PDE1A: variants seen among roughly 807,000 people sequenced by gnomAD.
PDE1A encodes dual specificity calcium/calmodulin-dependent 3',5'-cyclic nucleotide phosphodiesterase 1A.
Under a neutral mutation model 61.7 loss-of-function variants are expected in PDE1A, and 35 were observed. The observed-to-expected ratio is 0.57, with a 90% CI of 0.43 to 0.75. The LOEUF is 0.75. Among genes scored for constraint, PDE1A ranks in the 30% least tolerant of loss-of-function variants. The pLI, the probability that PDE1A is intolerant of heterozygous loss-of-function variation, is 0.00. For missense variants in PDE1A, 597 were observed against 630.6 expected (o/e 0.95, Z 0.57); for synonymous variants, 232 against 213.2 (o/e 1.09, Z -0.77).
At chr2:182,175,541 T>A (rs1692666790) in intron 13 of PDE1A, among the ~76,000 whole-genome samples, 1 of 132,960 alleles carries the variant, frequency 7.5e-6, no homozygotes, top group Non-Finnish European at 1.6e-5. Context: ...GTTTGTTTTT[T>A]TCTTGTAAAT....
At chr2:182,450,385 C>T (rs918186137) in intron 2 of PDE1A, among the ~76,000 whole-genome samples, 1 of 152,082 alleles carries the variant, frequency 6.6e-6, no homozygotes, top group Admixed American at 6.6e-5. Context: ...GCTATGAAAT[C>T]TTCCATGAAT....
intron 1 of PDE1A, among the ~76,000 whole-genome samples, chr2:182,309,574 A>C (rs988214456): frequency 2.0e-5 from 3 of 152,144 alleles, no homozygotes; most frequent in Non-Finnish European, 2.9e-5. Flanking sequence ...AACTGTACCC[A>C]TGATCTCTAA....
At chr2:182,362,585 G>C (rs1699571179) in intron 1 of PDE1A, among the ~76,000 whole-genome samples, 1 of 151,898 alleles carries the variant, frequency 6.6e-6, no homozygotes, top group South Asian at 2.1e-4. Flanking sequence ...TCTTTAAATT[G>C]TCAATTTACC....
intron 1 of PDE1A, among the ~76,000 whole-genome samples, chr2:182,388,654 A>G (rs1701254482): frequency 6.6e-6 from 1 of 152,154 alleles, no homozygotes; most frequent in African/African-American, 2.4e-5. Context: ...CCTATGGGAT[A>G]TAGCAAAAGC....
At chr2:182,622,815 A>G in the PDE1A span, among the ~76,000 whole-genome samples, 2 of 152,154 alleles carry the variant, frequency 1.3e-5, no homozygotes, top group Non-Finnish European at 2.9e-5. Context: ...AAATGAGAAG[A>G]AAACTGGAAC....
chr2:182,268,232 G>A (rs1470498567), intron 1 of PDE1A, among the ~76,000 whole-genome samples: 1 of 151,904 alleles, frequency 6.6e-6, no homozygotes, highest in Non-Finnish European at 1.5e-5. Context: ...GTGTTTGGTA[G>A]CAAACCAAGT....
intron 2 of PDE1A, among the ~76,000 whole-genome samples, chr2:182,484,141 G>A (rs1223770786): frequency 6.6e-6 from 1 of 151,808 alleles, no homozygotes; most frequent in Non-Finnish European, 1.5e-5. Flanking sequence ...TCAGGCCCAG[G>A]TGTCTTCCCT....
At chr2:182,237,219 G>A (rs763846981) in intron 3 of PDE1A, among the ~76,000 whole-genome samples, 2 of 152,154 alleles carry the variant, frequency 1.3e-5, no homozygotes, top group Non-Finnish European at 2.9e-5. Context: ...AAGGACGGGC[G>A]CAGTGACTCA....
chr2:182,341,679 A>G (rs1698195116), intron 1 of PDE1A, among the ~76,000 whole-genome samples: 1 of 152,212 alleles, frequency 6.6e-6, no homozygotes, highest in South Asian at 2.1e-4. Flanking sequence ...TGATAGGGAG[A>G]AAGCTATTCT....
the PDE1A span, among the ~76,000 whole-genome samples, chr2:182,675,786 C>T: frequency 6.6e-6 from 1 of 151,878 alleles, no homozygotes; most frequent in Non-Finnish European, 1.5e-5. Context: ...TGTTTTTTGC[C>T]CACTTGTTAA....
Position 182,426,567 on chromosome 2 carries a change from G to A in PDE1A, c.53+11C>T. ...CAGCCCTAGAGCCACCTGCGATGTA[G>A]CATTACTTACCTAAAGATGGGTCTT... On this transcript the variant is annotated intron_variant, in intron 1 of 13. Coordinates refer to ENST00000351439, the Ensembl canonical transcript of PDE1A. 6.4e-7 allele frequency: 1 copy of A among 1,572,908 alleles called. No homozygotes were observed. Among genetic ancestry groups the A allele is most frequent in the Non-Finnish European group, 8.7e-7 (1 of 1,143,778 alleles).
At chr2:182,227,948 G>A (rs1379284561) in intron 6 of PDE1A, among the ~76,000 whole-genome samples, 1 of 152,124 alleles carries the variant, frequency 6.6e-6, no homozygotes, top group Admixed American at 6.6e-5. Context: ...AAAGGAACTA[G>A]ATTTACAGTC....
intron 2 of PDE1A, among the ~76,000 whole-genome samples, chr2:182,241,563 T>C (rs1690513206): frequency 1.3e-5 from 2 of 152,236 alleles, no homozygotes; most frequent in African/African-American, 4.8e-5. Context: ...AAAGGTAATA[T>C]GCAGGAGAGG....
chr2:182,608,937 G>A, the PDE1A span, among the ~76,000 whole-genome samples: 1 of 152,306 alleles, frequency 6.6e-6, no homozygotes, highest in African/African-American at 2.4e-5. Flanking sequence ...TCTGTATCTA[G>A]CTCAAGGTTT....
the PDE1A span, among the ~76,000 whole-genome samples, chr2:182,602,992 C>CACACACATACAT: frequency 0.051 from 6,598 of 130,350 alleles, 189 homozygotes; most frequent in African/African-American, 0.092. Flanking sequence ...CACACACACA[C>CACACACATACAT]ACATACATAC....
chr2:182,497,290 G>A (rs10931017), intron 2 of PDE1A, among the ~76,000 whole-genome samples: 129,590 of 152,182 alleles, frequency 0.85, 55,332 homozygotes, highest in East Asian at 0.99. Flanking sequence ...GTGGAGGGGT[G>A]GAAACCTTAG....
the PDE1A span, among the ~76,000 whole-genome samples, chr2:182,624,428 A>T: frequency 6.6e-6 from 1 of 152,182 alleles, no homozygotes; most frequent in African/African-American, 2.4e-5. Context: ...ATTTGTCAAT[A>T]GTACTAGATC....
chr2:182,383,219 A>G (rs1217905620), intron 1 of PDE1A, among the ~76,000 whole-genome samples: 1 of 152,204 alleles, frequency 6.6e-6, no homozygotes, highest in Non-Finnish European at 1.5e-5. Context: ...ACTTCAAGAC[A>G]TATTTAAAGT....
At chr2:182,387,571 A>C (rs895413012) in intron 1 of PDE1A, among the ~76,000 whole-genome samples, 84 of 152,130 alleles carry the variant, frequency 5.5e-4, no homozygotes, top group Non-Finnish European at 1.2e-3. Context: ...CAGCCTGGCC[A>C]ATGTGGTGAA....
Sources: gnomAD v4.1 joint callset for allele counts (sites outside exome capture counted in the v4.1 genomes callset) on GRCh38, gnomAD v4.1.1 for gene constraint, MANE v1.5 for transcripts, NCBI Gene and HGNC (gene_info 2026-07-23, HGNC 2026-07-21) for gene names.